The following MAG variants were observed in gnomAD, a reference collection of about 807,000 sequenced individuals.
MAG encodes the protein myelin associated glycoprotein, also known as myelin-associated glycoprotein.
MAG carries 30 observed loss-of-function variants against 60.7 expected under a neutral mutation model. That is an observed-to-expected ratio of 0.49 (90% CI 0.37 to 0.67). MAG has a LOEUF of 0.67. Among genes scored for constraint, MAG ranks in the 30% least tolerant of loss-of-function variants. The pLI, the probability that MAG is intolerant of heterozygous loss-of-function variation, is 0.00. For missense variants in MAG, 795 were observed against 851.7 expected (o/e 0.93, Z 0.83); for synonymous variants, 384 against 376.8 (o/e 1.02, Z -0.22).
chr19:35,312,350 C>T (rs764176386), intron 10 of MAG: 1 of 1,606,038 alleles, frequency 6.2e-7, no homozygotes, highest in Non-Finnish European at 8.5e-7. Flanking sequence ...CCTCAGTGTG[C>T]CCTCCTCTGG....
chr19:35,310,173 G>GGGCAT lies in MAG; in HGVS notation c.1519+13_1519+14insGCATG. 1 of 1,595,770 alleles carries GGGCAT rather than the reference G, an allele frequency of 6.3e-7. No individual in the cohort carries two copies. Among genetic ancestry groups the GGGCAT allele is most frequent in the Non-Finnish European group, 8.6e-7 (1 of 1,168,506 alleles). On this transcript the variant is annotated intron_variant, in intron 8 of 10. Transcript: ENST00000392213. ...CTTCCAGGGAGCCCGTGAGTGGCGT[G>GGGCAT]GACTTGGGGTGGGAGCCACAGGAGG...
chr19:35,308,484 C>A (rs929815520), intron 7 of MAG, among the ~76,000 whole-genome samples: 13 of 152,198 alleles, frequency 8.5e-5, no homozygotes. Context: ...ATAATCCCAG[C>A]ACTTTGGGAG....
chr19:35,304,747 C>T (rs905689817), intron 7 of MAG, among the ~76,000 whole-genome samples: 3 of 151,960 alleles, frequency 2.0e-5, no homozygotes, highest in African/African-American at 7.3e-5. Flanking sequence ...TCCATGTTGC[C>T]CAGGCTGTTC....
intron 7 of MAG, among the ~76,000 whole-genome samples, chr19:35,307,478 AAC>A (rs1196343974): frequency 6.6e-6 from 1 of 152,140 alleles, no homozygotes; most frequent in East Asian, 1.9e-4. Context: ...CAAGAAAGAG[AAC>A]ACAGTTTAAA....
At position 35,310,030 on chromosome 19, in the gene MAG, C is replaced by G; in HGVS notation, c.1388C>G (p.Ser463Trp). 6.2e-7 allele frequency: 1 copy of G among 1,613,884 alleles called. No homozygotes were observed. Among genetic ancestry groups the G allele is most frequent in the Non-Finnish European group, 8.5e-7 (1 of 1,179,936 alleles). Residue 463 changes from serine (S) to tryptophan (W), a missense_variant, in exon 8 of 11, where the codon TCG becomes TGG. By Grantham distance (177) the Ser-to-Trp change is radical. Transcript: ENST00000392213. ...GAGAGCGAGCGGGAGTTCGTGTACTCGGAGCGCAGCGGCCTCGTGCTCACC... is the reference window on the plus strand; with the variant it reads ...GAGAGCGAGCGGGAGTTCGTGTACTGGGAGCGCAGCGGCCTCGTGCTCACC... ...VNESEREFVY[S>W]ERSGLVLTSI...
rs2066544944 is a variant in MAG, at chr19:35,313,514, G to T, written c.*60G>T. On this transcript the variant is annotated 3_prime_UTR_variant, in exon 11 of 11. Transcript: ENST00000392213. ...TCAGGACCCTCGCTGGCCCCCACTGGCTGTGGGCTCCCTTCCTCCCAAAAG... is the reference window on the plus strand; with the variant it reads ...TCAGGACCCTCGCTGGCCCCCACTGTCTGTGGGCTCCCTTCCTCCCAAAAG... 1 of 1,484,356 alleles carries T rather than the reference G, an allele frequency of 6.7e-7. No homozygotes were observed. Among genetic ancestry groups the T allele is most frequent in the South Asian group, 1.3e-5 (1 of 77,834 alleles). The allele number at this position is 1,484,356 out of a possible 1,614,324, so 91.9% of individuals were successfully genotyped here. A position where few individuals can be genotyped will look rare whatever the true frequency, so the allele number is the denominator to read the frequency against.
Position 35,295,482 on chromosome 19 carries a change from A to G in MAG, c.46+28A>G, listed in dbSNP as rs775325742. On this transcript the variant is annotated intron_variant, in intron 3 of 10. Transcript: ENST00000392213. This position sits in a 1 kb window ranked among gnomAD's most constrained non-coding sequence, Gnocchi z 5.8. ...AACGGCTGACAGGTGCTGGGGACCTAAAGGCTTTGGCCCCTGAGCAGGTTG... is the reference window on the plus strand; with the variant it reads ...AACGGCTGACAGGTGCTGGGGACCTGAAGGCTTTGGCCCCTGAGCAGGTTG... 3.7e-6 allele frequency: 6 copies of G among 1,613,682 alleles called. No individual in the cohort carries two copies. In the South Asian group the frequency reaches 5.5e-5, roughly 15 times the overall value.
chr19:35,306,381 A>C (rs1291324720), intron 7 of MAG, among the ~76,000 whole-genome samples: 1 of 151,918 alleles, frequency 6.6e-6, no homozygotes, highest in Non-Finnish European at 1.5e-5. Flanking sequence ...TCTCTGCGGG[A>C]ATGGTTCTGT....
At chr19:35,298,060 C>T (rs1324924053) in intron 4 of MAG, among the ~76,000 whole-genome samples, 1 of 150,406 alleles carries the variant, frequency 6.6e-6, no homozygotes, top group Non-Finnish European at 1.5e-5. Context: ...ACACAGTGCA[C>T]ACACTACCCA....
Position 35,313,477 on chromosome 19 carries a change from GGCTGACCCCCCTCAGGACCCTC to G in MAG, c.*28_*49del. ...TGAAGGAGCTGGGGGCAGCCTGCGT[GGCTGACCCCCCTCAGGACCCTC>G]GCTGGCCCCCACTGGCTGTGGGCTC... is the stretch of plus-strand genomic sequence containing the variant. On this transcript the variant is annotated 3_prime_UTR_variant, in exon 11 of 11. Transcript: ENST00000392213. The G allele has an allele frequency of 6.3e-7, 1 of 1,598,376 alleles. No homozygotes were observed. The highest frequency in any genetic ancestry group is 8.5e-7 in the Non-Finnish European group (1 of 1,173,192).
chr19:35,309,675 C>A, intron 7 of MAG, 199 bp from the exon 8 acceptor site: 1 of 612,182 alleles, frequency 1.6e-6, no homozygotes, highest in Non-Finnish European at 2.9e-6. Context: ...GCAGTGAAAA[C>A]AGGCAGCCGG....
rs765561595 is a variant in MAG at position 35,293,781 on chromosome 19, CTT to C, written c.-79-451_-79-450del. Among the ~76,000 whole-genome samples, 8 of 152,122 alleles carry C rather than the reference CTT, an allele frequency of 5.3e-5. No individual in the cohort carries two copies. The highest frequency in any genetic ancestry group is 8.8e-5 in the Non-Finnish European group (6 of 68,020). On this transcript the variant is annotated intron_variant, in intron 1 of 10. Coordinates refer to ENST00000392213, the MANE Select transcript of MAG (RefSeq NM_002361.4). The surrounding 1 kb of genome is among the most constrained non-coding windows in gnomAD (Gnocchi z 4.0). ...ACCCTCTCCCCGAGGGAACAGGACT[CTT>C]TTGTACCGGGGACCAGCTTCTGGTG... is the stretch of plus-strand genomic sequence containing the variant.
chr19:35,298,325 C>A (rs1053221188), intron 4 of MAG, among the ~76,000 whole-genome samples: 1 of 149,306 alleles, frequency 6.7e-6, no homozygotes, highest in African/African-American at 2.5e-5. Context: ...CCAAACCACA[C>A]GCCACACACC....
chr19:35,294,056 G>GAGGGAGTTGTTGCCAGAGAGTGGCTTC (rs1405509212), intron 1 of MAG, among the ~76,000 whole-genome samples, 179 bp from the exon 2 acceptor site: 1 of 152,120 alleles, frequency 6.6e-6, no homozygotes, highest in Admixed American at 6.5e-5. Context: ...CCCCAGCTTG[G>GAGGGAGTTGTTGCCAGAGAGTGGCTTC]AGGGAGTTGT....
At chr19:35,311,816 G>T in intron 9 of MAG, 102 bp from the exon 10 acceptor site, 2 of 731,544 alleles carry the variant, frequency 2.7e-6, no homozygotes, top group South Asian at 1.6e-5. Flanking sequence ...ACATCTTAGA[G>T]ATGGGTGGGA....
intron 7 of MAG, 56 bp from the exon 8 acceptor site, chr19:35,309,818 G>A (rs1265538219): frequency 7.6e-6 from 12 of 1,571,414 alleles, no homozygotes; most frequent in Middle Eastern, 2.2e-4. Flanking sequence ...GGAGTCTCCG[G>A]GGCCGGGCCT....
Position 35,296,045 on chromosome 19 carries a change from C to T in MAG, c.415+64C>T, listed in dbSNP as rs755774628. ...GCAGCGGGGCGGGAAGGAGTGTGGC[C>T]GGAAGGCCTCCCCGCACCTTCCCCA... On this transcript the variant is annotated intron_variant, in intron 4 of 10. Coordinates refer to ENST00000392213, the MANE Select transcript of MAG (RefSeq NM_002361.4). 5.4e-4 allele frequency: 817 copies of T among 1,509,428 alleles called. 1 individual carries two copies. The highest frequency in any genetic ancestry group is 6.9e-4 in the Non-Finnish European group (777 of 1,132,236). 93.5% of individuals were successfully genotyped at this position (1,509,428 alleles called of 1,614,324 possible).
intron 4 of MAG, among the ~76,000 whole-genome samples, chr19:35,298,876 T>C (rs2066423919): frequency 7.7e-6 from 1 of 130,714 alleles, no homozygotes; most frequent in African/African-American, 2.9e-5. Context: ...ACACACCACA[T>C]ACACCACGCT....
At chr19:35,303,410 C>T (rs2066463132) in intron 7 of MAG, among the ~76,000 whole-genome samples, 1 of 152,152 alleles carries the variant, frequency 6.6e-6, no homozygotes, top group South Asian at 2.1e-4. Context: ...GGTTCTATTA[C>T]TGTTTCCCTG....
Sources: gnomAD v4.1 joint callset for allele counts (sites outside exome capture counted in the v4.1 genomes callset) on GRCh38, gnomAD v4.1.1 for gene constraint, Gnocchi (gnomAD v3.1) non-coding constraint, MANE v1.5 for transcripts, NCBI Gene and HGNC (gene_info 2026-07-23, HGNC 2026-07-21) for gene names.